OR7C1: variants seen among roughly 807,000 people sequenced by gnomAD.
OR7C1 encodes olfactory receptor 7C1.
For synonymous variants in OR7C1, 152 were observed against 160.7 expected (o/e 0.95, Z 0.41); for missense variants, 324 against 383.3 (o/e 0.85, Z 1.29).
chr19:14,804,713 A>G (rs2044658212), intron 2 of OR7C1, among the ~76,000 whole-genome samples: 1 of 151,894 alleles, frequency 6.6e-6, no homozygotes, highest in South Asian at 2.1e-4. Context: ...GGGGATGAGG[A>G]TAAAGTGCTA....
intron 1 of OR7C1, among the ~76,000 whole-genome samples, chr19:14,824,079 A>G (rs8105431): frequency 0.48 from 73,354 of 151,958 alleles, 18,637 homozygotes; most frequent in East Asian, 0.7. Flanking sequence ...CAGATTTTCT[A>G]GATAATAAGT....
At chr19:14,826,959 C>T in intron 1 of OR7C1, 1 of 192,380 alleles carries the variant, frequency 5.2e-6, no homozygotes, top group Non-Finnish European at 1.1e-5. Context: ...CATCAATTAC[C>T]CCAATTGCCA....
rs140119451 is a variant in OR7C1, at chr19:14,827,967, A to G, written c.-623+7107T>C. 1 of 1,614,120 alleles carries G rather than the reference A, an allele frequency of 6.2e-7. No homozygotes were observed. Among genetic ancestry groups the G allele is most frequent in the African/African-American group, 1.3e-5 (1 of 74,948 alleles). ...CTGCATGAGGCAGGCTATGTAGGTG[A>G]TGACTTTGTTCTGTGTCTGGATGTT... is the stretch of plus-strand genomic sequence containing the variant. On this transcript the variant is annotated intron_variant, in intron 1 of 4. Transcript: ENST00000641666.
At chr19:14,811,826 C>G (rs2044692210) in intron 1 of OR7C1, among the ~76,000 whole-genome samples, 1 of 151,938 alleles carries the variant, frequency 6.6e-6, no homozygotes. Flanking sequence ...CCACCATACT[C>G]TAATCTTTTA....
At position 14,826,025 on chromosome 19, in the gene OR7C1, T is replaced by C. The variant is rs2044765114; in HGVS notation, c.-623+9049A>G. On this transcript the variant is annotated intron_variant, in intron 1 of 4. Coordinates refer to ENST00000641666, the Ensembl canonical transcript of OR7C1. ...CTCATGTATAATTCAGATAACTGTA[T>C]TAAAAAAAAGACTACTGTTGAGATT... 3 of 152,270 alleles carry C rather than the reference T, an allele frequency of 2.0e-5. No individual in the cohort carries two copies. The East Asian group carries it at 5.8e-4, about 29-fold the overall frequency. 9.4% of individuals were successfully genotyped at this position (152,270 alleles called of 1,614,324 possible). A position where few individuals can be genotyped will look rare whatever the true frequency, so the allele number is the denominator to read the frequency against.
chr19:14,798,620 G>GGA (rs2044622762), exon 5 of OR7C1: 1 of 152,540 alleles, frequency 6.6e-6, no homozygotes, highest in South Asian at 2.1e-4. Context: ...GAAATGCACA[G>GGA]GGTTTTATAA....
At chr19:14,806,896 A>G (rs1158756872) in intron 2 of OR7C1, among the ~76,000 whole-genome samples, 2 of 152,006 alleles carry the variant, frequency 1.3e-5, no homozygotes, top group African/African-American at 4.8e-5. Context: ...TTAGGTATAT[A>G]CCCAGTAATG....
At chr19:14,802,114 A>G (rs2044644785) in intron 2 of OR7C1, among the ~76,000 whole-genome samples, 1 of 152,146 alleles carries the variant, frequency 6.6e-6, no homozygotes, top group Non-Finnish European at 1.5e-5. Flanking sequence ...GCAATTTATC[A>G]TTTTCCCACC....
chr19:14,831,977 TA>T (rs2044837855), intron 1 of OR7C1, among the ~76,000 whole-genome samples: 1 of 152,094 alleles, frequency 6.6e-6, no homozygotes, highest in African/African-American at 2.4e-5. Context: ...GGTGCAATCA[TA>T]GCTCACTGCA....
At chr19:14,814,716 T>C (rs1203366254) in intron 1 of OR7C1, among the ~76,000 whole-genome samples, 1 of 152,122 alleles carries the variant, frequency 6.6e-6, no homozygotes, top group Admixed American at 6.6e-5. Flanking sequence ...TAAGCCACCA[T>C]GCCTGGCCGG....
intron 1 of OR7C1, chr19:14,828,259 C>CAGAG: frequency 6.3e-7 from 1 of 1,585,092 alleles, no homozygotes; most frequent in East Asian, 2.3e-5. Context: ...AAGTGACTAT[C>CAGAG]AGAGAGAGAG....
chr19:14,817,447 T>C (rs190119305), intron 1 of OR7C1, among the ~76,000 whole-genome samples: 1 of 152,332 alleles, frequency 6.6e-6, no homozygotes. Context: ...CCTCACTCTT[T>C]CCTGCTGTCT....
chr19:14,810,972 A>T (rs2044688478), intron 1 of OR7C1, among the ~76,000 whole-genome samples: 1 of 151,892 alleles, frequency 6.6e-6, no homozygotes, highest in Non-Finnish European at 1.5e-5. Flanking sequence ...AATTTGGATA[A>T]AAAATAATCA....
intron 1 of OR7C1, among the ~76,000 whole-genome samples, chr19:14,814,357 A>G (rs2044706524): frequency 1.3e-5 from 2 of 149,292 alleles, no homozygotes; most frequent in South Asian, 4.1e-4. Flanking sequence ...CTGATATTAA[A>G]AAATGGACAA....
At chr19:14,820,031 C>T (rs12978435) in intron 1 of OR7C1, among the ~76,000 whole-genome samples, 83,419 of 152,012 alleles carry the variant, frequency 0.55, 22,929 homozygotes, top group East Asian at 0.73. Flanking sequence ...CTCAGCCTCC[C>T]GAGTAGCTGG....
At chr19:14,835,178 G>A (rs2044872654) in exon 1 of OR7C1, 1 of 152,184 alleles carries the variant, frequency 6.6e-6, no homozygotes, top group Non-Finnish European at 1.5e-5. Context: ...TAGGCAGCAG[G>A]AAAGAGTCAA....
At chr19:14,815,801 G>GTT in intron 1 of OR7C1, among the ~76,000 whole-genome samples, 2 of 151,672 alleles carry the variant, frequency 1.3e-5, no homozygotes, top group Non-Finnish European at 2.9e-5. Context: ...GTGTGTGTGT[G>GTT]TGTGTGTGTG....
chr19:14,827,546 C>G (rs371579357), intron 1 of OR7C1: 1 of 1,614,138 alleles, frequency 6.2e-7, no homozygotes, highest in Non-Finnish European at 8.5e-7. Flanking sequence ...TGTACTTCCC[C>G]TGAGCTGATG....
At chr19:14,820,559 G>GA (rs893666737) in intron 1 of OR7C1, among the ~76,000 whole-genome samples, 9 of 150,114 alleles carry the variant, frequency 6.0e-5, no homozygotes, top group South Asian at 2.1e-4. Context: ...AGACCTTAAA[G>GA]AAAAAAAATC....
Sources: allele counts gnomAD v4.1 joint callset (sites outside exome capture counted in the v4.1 genomes callset), GRCh38; gene constraint gnomAD v4.1.1; transcripts MANE v1.5; gene names NCBI Gene and HGNC (gene_info 2026-07-23, HGNC 2026-07-21).